The following EEA1 variants were observed in gnomAD, a reference collection of about 807,000 sequenced individuals.
EEA1 encodes the protein early endosome antigen 1, also known as early endosome antigen 1, 162kD.
In EEA1, 111 loss-of-function variants were observed where a neutral mutation model predicts 209.2. The observed-to-expected ratio is 0.53, with a 90% CI of 0.45 to 0.62. The LOEUF is 0.62. EEA1 is among the 20% of genes least tolerant of loss of function. The pLI is 0.00. For missense variants in EEA1, 1,343 were observed against 1,530.8 expected (o/e 0.88, Z 2.05); for synonymous variants, 536 against 540.6 (o/e 0.99, Z 0.12).
Position 92,852,935 on chromosome 12 carries a change from G to A in EEA1, c.497C>T (p.Ala166Val), listed in dbSNP as rs754957795. 9.3e-6 allele frequency: 15 copies of A among 1,610,342 alleles called. No individual in the cohort carries two copies. The South Asian group carries it at 1.7e-4, about 18-fold the overall frequency. Residue 166 changes from alanine to valine, a missense_variant, in exon 7 of 29, where the codon GCC becomes GTC. Coordinates refer to ENST00000322349, the MANE Select transcript of EEA1 (RefSeq NM_003566.4). ...QMKDLFEQKA[A>V]QLATEIADIK... ...ACCTGCAATTTCAGTAGCAAGTTGG[G>A]CTGCTTTCTGTTCAAATAAGTCTTT...
chr12:92,927,360 G>A (rs1881252021), intron 1 of EEA1, among the ~76,000 whole-genome samples: 2 of 152,218 alleles, frequency 1.3e-5, no homozygotes, highest in Non-Finnish European at 1.5e-5. Context: ...TTATTCAGAA[G>A]TGATGATTCA....
At chr12:92,906,093 C>CTT (rs112834673) in intron 1 of EEA1, among the ~76,000 whole-genome samples, 2 of 139,496 alleles carry the variant, frequency 1.4e-5, no homozygotes, top group Non-Finnish European at 1.5e-5. Flanking sequence ...CTTTTCTTTT[C>CTT]TTTTTTTTTT....
chr12:92,867,642 C>T (rs1345952598), intron 2 of EEA1, among the ~76,000 whole-genome samples: 1 of 152,070 alleles, frequency 6.6e-6, no homozygotes, highest in Non-Finnish European at 1.5e-5. Flanking sequence ...CATTATGTGG[C>T]AGAATCAAGG....
chr12:92,855,462 CTA>C (rs1163839414), intron 5 of EEA1, among the ~76,000 whole-genome samples: 2 of 123,710 alleles, frequency 1.6e-5, no homozygotes, highest in African/African-American at 3.0e-5. Context: ...TGCTATCAAA[CTA>C]TCACTACTAA....
At chr12:92,830,173 T>C in intron 11 of EEA1, among the ~76,000 whole-genome samples, 1 of 152,292 alleles carries the variant, frequency 6.6e-6, no homozygotes, top group South Asian at 2.1e-4. Context: ...TTTTCAAATA[T>C]TTAACTTTTA....
chr12:92,779,300 C>A lies in EEA1; in HGVS notation c.3469G>T (p.Glu1157Ter), dbSNP rs1220231939. The A allele has an allele frequency of 1.3e-6, 2 of 1,576,776 alleles. No homozygotes were observed. Among genetic ancestry groups the A allele is most frequent in the African/African-American group, 2.8e-5 (2 of 72,068 alleles). The change falls in exon 25 of 29, where the codon GAG becomes TAG. Residue 1157 changes from glutamate (E) to a stop codon, truncating the protein, a stop_gained and splice_region_variant. Coordinates refer to ENST00000322349, the MANE Select transcript of EEA1 (RefSeq NM_003566.4). LOFTEE classifies it high-confidence loss of function. ...TTAGCATCTTTAAGATTTGTTATCT[C>A]CTGTTGAAAAAGTAGGGCCAAAAAT... The part of the protein sequence containing the change: ...LKSHKLESIK[E>*]ITNLKDAKQL...
chr12:92,772,815 T>C lies in EEA1; in HGVS notation c.*3196A>G, dbSNP rs1366349187. ...AGTATCTACAGAACTTATGAATATA[T>C]GATCCAGTTCAAGGAATTACAGAAT... On this transcript the variant is annotated 3_prime_UTR_variant, in exon 29 of 29. Coordinates refer to ENST00000322349, the MANE Select transcript of EEA1 (RefSeq NM_003566.4). 1 of 152,248 alleles carries C rather than the reference T, an allele frequency of 6.6e-6. No individual in the cohort carries two copies. Among genetic ancestry groups the C allele is most frequent in the Non-Finnish European group, 1.5e-5 (1 of 67,758 alleles). The allele number at this position is 152,248 out of a possible 1,614,324, so 9.4% of individuals were successfully genotyped here.
At chr12:92,820,622 A>C (rs560035306) in intron 13 of EEA1, among the ~76,000 whole-genome samples, 18 of 152,226 alleles carry the variant, frequency 1.2e-4, no homozygotes, top group Admixed American at 9.8e-4. Context: ...GAGGGAGAGC[A>C]TTAGAGCAAA....
intron 2 of EEA1, among the ~76,000 whole-genome samples, chr12:92,874,585 C>T (rs1396862371): frequency 3.3e-5 from 5 of 152,184 alleles, no homozygotes; most frequent in Admixed American, 2.0e-4. Context: ...AAGCTGGTCT[C>T]GAACTCCTGA....
chr12:92,813,397 T>C (rs899063858), intron 15 of EEA1, among the ~76,000 whole-genome samples: 3 of 152,156 alleles, frequency 2.0e-5, no homozygotes, highest in African/African-American at 7.2e-5. Context: ...CCACTGTATT[T>C]TCAGAAGTGA....
intron 22 of EEA1, among the ~76,000 whole-genome samples, chr12:92,784,991 GTT>G (rs141504082): frequency 2.9e-5 from 4 of 138,790 alleles, no homozygotes. Context: ...GGTAGCTGTT[GTT>G]TTTGTCTATT....
intron 1 of EEA1, among the ~76,000 whole-genome samples, chr12:92,905,970 A>G (rs1295243763): frequency 1.3e-5 from 2 of 152,134 alleles, no homozygotes; most frequent in African/African-American, 4.8e-5. Context: ...CAGTGGCACA[A>G]TCATGGCTCA....
intron 1 of EEA1, among the ~76,000 whole-genome samples, chr12:92,893,512 C>T (rs1017185336): frequency 3.9e-5 from 6 of 152,120 alleles, no homozygotes; most frequent in Non-Finnish European, 7.4e-5. Context: ...ACATCCTGTA[C>T]ATCACTACTA....
intron 2 of EEA1, 66 bp from the exon 3 acceptor site, chr12:92,865,053 T>C: frequency 7.9e-7 from 1 of 1,270,222 alleles, no homozygotes; most frequent in Non-Finnish European, 1.1e-6. Context: ...AATTTGCATA[T>C]TATTAAATAT....
chr12:92,781,942 T>A lies in EEA1; in HGVS notation c.3336+8A>T. 6.2e-7 allele frequency: 1 copy of A among 1,601,950 alleles called. No homozygotes were observed. Among genetic ancestry groups the A allele is most frequent in the Non-Finnish European group, 8.5e-7 (1 of 1,172,942 alleles). ...AGATTGTAGATTTAGGTCAGAAACA[T>A]GCAATACCTTTTCTTTCTGAATGTC... On this transcript the variant is annotated splice_region_variant and intron_variant, in intron 23 of 28. Transcript: ENST00000322349.
At chr12:92,904,631 C>G (rs950709902) in intron 1 of EEA1, among the ~76,000 whole-genome samples, 1 of 152,158 alleles carries the variant, frequency 6.6e-6, no homozygotes, top group African/African-American at 2.4e-5. Flanking sequence ...GGCTACATGT[C>G]GGGAACCCTC....
intron 10 of EEA1, among the ~76,000 whole-genome samples, chr12:92,835,686 C>A (rs546227065): frequency 6.6e-6 from 1 of 151,732 alleles, no homozygotes; most frequent in Non-Finnish European, 1.5e-5. Flanking sequence ...GCTGGGATTA[C>A]AGACATGAGC....
intron 6 of EEA1, 101 bp from the exon 7 acceptor site, chr12:92,853,126 T>G: frequency 1.4e-6 from 1 of 724,370 alleles, no homozygotes; most frequent in Non-Finnish European, 2.2e-6. Flanking sequence ...TCAACTTAAG[T>G]TTATTATCCA....
At chr12:92,902,359 C>T (rs541237573) in intron 1 of EEA1, among the ~76,000 whole-genome samples, 11 of 152,214 alleles carry the variant, frequency 7.2e-5, no homozygotes, top group South Asian at 2.1e-4. Flanking sequence ...GCCCTGGATG[C>T]GCAAGGTAAC....
Sources: allele counts gnomAD v4.1 joint callset (sites outside exome capture counted in the v4.1 genomes callset), GRCh38; gene constraint gnomAD v4.1.1; transcripts MANE v1.5; gene names NCBI Gene and HGNC (gene_info 2026-07-23, HGNC 2026-07-21).